ZC3HAV1: variants seen among roughly 807,000 people sequenced by gnomAD.
ZC3HAV1 encodes zinc finger CCCH-type antiviral protein 1.
Under a neutral mutation model 86.6 loss-of-function variants are expected in ZC3HAV1, and 41 were observed. The ratio of observed to expected loss-of-function variants is 0.47; its 90% CI spans 0.37 to 0.61. The LOEUF is 0.61. Ranked by LOEUF, ZC3HAV1 falls within the 20% of genes least tolerant of loss-of-function variation. The probability of loss-of-function intolerance (pLI) is 0.00; values close to 1 mark genes in which losing one functional copy is unlikely to be tolerated. For missense variants in ZC3HAV1, 964 were observed against 1,141.1 expected, an observed-to-expected ratio of 0.84 and a Z score of 2.24; for synonymous variants, 421 against 432.1, an observed-to-expected ratio of 0.97 and a Z score of 0.32.
intron 7 of ZC3HAV1, among the ~76,000 whole-genome samples, chr7:139,066,099 G>C (rs1816599573): frequency 6.6e-6 from 1 of 152,122 alleles, no homozygotes; most frequent in Non-Finnish European, 1.5e-5. Context: ...TGGGCGATCA[G>C]GGCACACTAG....
intron 1 of ZC3HAV1, among the ~76,000 whole-genome samples, chr7:139,094,165 G>A (rs1817512806): frequency 6.6e-6 from 1 of 152,114 alleles, no homozygotes; most frequent in African/African-American, 2.4e-5. Context: ...CACCTAGACA[G>A]GAGGTCCATT....
chr7:139,108,758 A>T lies in ZC3HAV1; in HGVS notation c.308+266T>A, dbSNP rs1818011985. Among the ~76,000 whole-genome samples, 1 of 152,108 alleles carries T rather than the reference A, an allele frequency of 6.6e-6. No individual in the cohort carries two copies. Among genetic ancestry groups the T allele is most frequent in the Admixed American group, 6.5e-5 (1 of 15,278 alleles). ...TGCGGGCGGGCGGGGAAAGGGGTGG[A>T]GGTTGAGCCTGGTCTCCTCCAGGCA... On this transcript the variant is annotated intron_variant, in intron 1 of 12. Coordinates refer to ENST00000242351, the MANE Select transcript of ZC3HAV1 (RefSeq NM_020119.4). The surrounding 1 kb of genome is among the most constrained non-coding windows in gnomAD (Gnocchi z 4.2).
intron 12 of ZC3HAV1, 53 bp from the exon 13 acceptor site, chr7:139,047,906 G>A (rs1816008228): frequency 6.4e-7 from 1 of 1,556,292 alleles, no homozygotes; most frequent in African/African-American, 1.4e-5. Context: ...AAGGTATACA[G>A]TTTATAAGAT....
intron 1 of ZC3HAV1, among the ~76,000 whole-genome samples, chr7:139,095,140 A>G (rs1302195055): frequency 1.3e-5 from 2 of 152,194 alleles, no homozygotes; most frequent in African/African-American, 4.8e-5. Context: ...AAGCCAGGTA[A>G]AAAAGGAACC....
chr7:139,096,493 C>T (rs1817591906), intron 1 of ZC3HAV1, among the ~76,000 whole-genome samples: 1 of 152,124 alleles, frequency 6.6e-6, no homozygotes, highest in Non-Finnish European at 1.5e-5. Flanking sequence ...CTGTGAGTGA[C>T]AAAGGAAGGG....
chr7:139,084,069 C>T (rs762732098), intron 2 of ZC3HAV1, 37 bp from the exon 3 acceptor site: 4 of 1,597,618 alleles, frequency 2.5e-6, no homozygotes, highest in East Asian at 2.2e-5. Flanking sequence ...AGTCAAAACA[C>T]CTTCTTGTAT....
chr7:139,100,375 C>CA (rs111487039), intron 1 of ZC3HAV1, among the ~76,000 whole-genome samples: 35,818 of 146,220 alleles, frequency 0.24, 5,032 homozygotes, highest in East Asian at 0.43. Context: ...ACCCAAAATA[C>CA]AAAAAAAAAA....
intron 1 of ZC3HAV1, among the ~76,000 whole-genome samples, chr7:139,090,557 A>G (rs1463571806): frequency 6.6e-6 from 1 of 152,048 alleles, no homozygotes; most frequent in East Asian, 1.9e-4. Context: ...ATATCTCTCC[A>G]TTTATTCTGT....
chr7:139,104,093 T>C (rs1224315726), intron 1 of ZC3HAV1, among the ~76,000 whole-genome samples: 1 of 152,212 alleles, frequency 6.6e-6, no homozygotes, highest in African/African-American at 2.4e-5. Context: ...TGAACACTTA[T>C]TTATCCCAGG....
chr7:139,083,577 A>G (rs892424042), intron 3 of ZC3HAV1, among the ~76,000 whole-genome samples: 1 of 152,078 alleles, frequency 6.6e-6, no homozygotes, highest in Non-Finnish European at 1.5e-5. Flanking sequence ...TTATACAAAA[A>G]TTAGCTGGGT....
intron 7 of ZC3HAV1, among the ~76,000 whole-genome samples, chr7:139,070,746 A>T (rs553398617): frequency 6.1e-4 from 91 of 149,534 alleles, no homozygotes; most frequent in African/African-American, 2.1e-3. Flanking sequence ...TTTGGGAGGC[A>T]GAGGCAGGCA....
intron 1 of ZC3HAV1, among the ~76,000 whole-genome samples, chr7:139,091,019 A>T (rs1049339053): frequency 6.6e-6 from 1 of 151,956 alleles, no homozygotes; most frequent in Non-Finnish European, 1.5e-5. Context: ...TGCTTTCTCC[A>T]CCCTGTGACC....
intron 2 of ZC3HAV1, among the ~76,000 whole-genome samples, chr7:139,088,605 T>C (rs1817343547): frequency 6.6e-6 from 1 of 152,052 alleles, no homozygotes; most frequent in African/African-American, 2.4e-5. Flanking sequence ...CATCATTGAG[T>C]CTAGCTGCCC....
intron 1 of ZC3HAV1, among the ~76,000 whole-genome samples, chr7:139,095,731 A>T (rs1584870303): frequency 6.6e-6 from 1 of 152,220 alleles, no homozygotes; most frequent in South Asian, 2.1e-4. Flanking sequence ...TATTATGGAC[A>T]GTCTCTCCAG....
intron 1 of ZC3HAV1, among the ~76,000 whole-genome samples, chr7:139,094,980 C>CTTT (rs367844812): frequency 5.9e-5 from 8 of 136,148 alleles, no homozygotes; most frequent in African/African-American, 1.9e-4. Flanking sequence ...TAACCCGAGT[C>CTTT]TTTTTTTTTT....
intron 6 of ZC3HAV1, among the ~76,000 whole-genome samples, chr7:139,075,182 A>T (rs1047326937): frequency 6.6e-6 from 1 of 152,180 alleles, no homozygotes; most frequent in Non-Finnish European, 1.5e-5. Context: ...CCGGCTCTCC[A>T]CTTGCCTGGG....
chr7:139,083,411 C>T (rs578154559), intron 3 of ZC3HAV1, among the ~76,000 whole-genome samples: 2 of 152,156 alleles, frequency 1.3e-5, no homozygotes, highest in East Asian at 3.9e-4. Context: ...TTTTTCTTTC[C>T]TTGTGATTTC....
At chr7:139,082,664 A>G (rs1817158936) in intron 3 of ZC3HAV1, among the ~76,000 whole-genome samples, 1 of 152,210 alleles carries the variant, frequency 6.6e-6, no homozygotes, top group Non-Finnish European at 1.5e-5. Flanking sequence ...ATTCATTCTG[A>G]CATATGCTAT....
intron 1 of ZC3HAV1, among the ~76,000 whole-genome samples, chr7:139,100,889 C>A (rs374211704): frequency 1.8e-4 from 27 of 152,060 alleles, no homozygotes; most frequent in Non-Finnish European, 3.5e-4. Context: ...CCCTCTGATG[C>A]GGAGCCGAGG....
Sources: gnomAD v4.1 joint callset for allele counts (sites outside exome capture counted in the v4.1 genomes callset) on GRCh38, gnomAD v4.1.1 for gene constraint, Gnocchi (gnomAD v3.1) non-coding constraint, MANE v1.5 for transcripts, NCBI Gene and HGNC (gene_info 2026-07-23, HGNC 2026-07-21) for gene names.